The following CTLA4 variants were observed in gnomAD, a reference collection of about 807,000 sequenced individuals.
CTLA4 encodes the protein cytotoxic T-lymphocyte associated protein 4, also known as cytotoxic T-lymphocyte protein 4.
A neutral mutation model predicts 20.4 loss-of-function variants in CTLA4; 3 were observed. The ratio of observed to expected loss-of-function variants is 0.15; its 90% CI spans 0.07 to 0.38. The LOEUF (loss-of-function observed/expected upper bound fraction) is 0.38. CTLA4 is among the 10% of genes least tolerant of loss of function. The pLI is 1.00. For missense variants in CTLA4, 184 were observed against 276.8 expected, an observed-to-expected ratio of 0.66 and a Z score of 2.38; for synonymous variants, 100 against 105.2, an observed-to-expected ratio of 0.95 and a Z score of 0.30.
rs768744604 is a variant in CTLA4 at position 203,870,964 on chromosome 2, C to T, written c.457+31C>T. Reference sequence around the variant, plus strand: ...CAAAGCCATTTCACTGAGTTGACACCTGTTGCATTGCAGTCTTCTATGCAC... The same window carrying T: ...CAAAGCCATTTCACTGAGTTGACACTTGTTGCATTGCAGTCTTCTATGCAC... On this transcript the variant is annotated intron_variant, in intron 2 of 3. Coordinates refer to ENST00000648405, the MANE Select transcript of CTLA4 (RefSeq NM_005214.5). This position sits in a 1 kb window ranked among gnomAD's most constrained non-coding sequence, Gnocchi z 5.3. 1 of 1,553,110 alleles carries T rather than the reference C, an allele frequency of 6.4e-7. No homozygotes were observed.
intron 1 of CTLA4, among the ~76,000 whole-genome samples, chr2:203,868,291 A>G (rs1465303649): frequency 6.6e-6 from 1 of 152,194 alleles, no homozygotes; most frequent in Non-Finnish European, 1.5e-5. Context: ...TCATGAATGC[A>G]TGTGAGTTGG....
Position 203,870,622 on chromosome 2 carries a change from G to A in CTLA4, c.146G>A (p.Ser49Asn). The A allele has an allele frequency of 6.2e-7, 1 of 1,614,180 alleles. No individual in the cohort carries two copies. The change falls in exon 2 of 4, where the codon AGC (serine) becomes AAC (asparagine). Residue 49 changes from serine to asparagine, a missense_variant. Around this residue, in one of 3 missense-constraint regions of CTLA4, gnomAD observed 147 missense variants for 223.4 expected, o/e 0.66. Coordinates refer to ENST00000648405, the MANE Select transcript of CTLA4 (RefSeq NM_005214.5). The surrounding 1 kb of genome is among the most constrained non-coding windows in gnomAD (Gnocchi z 5.3). The part of the protein sequence containing the change: ...HVAQPAVVLA[S>N]SRGIASFVCE... ...GCCCAGCCTGCTGTGGTACTGGCCA[G>A]CAGCCGAGGCATCGCCAGCTTTGTG... is the stretch of plus-strand genomic sequence containing the variant.
chr2:203,872,865 A>G lies in CTLA4; in HGVS notation c.*53A>G, dbSNP rs1161605962. 1.7e-6 allele frequency: 2 copies of G among 1,187,138 alleles called. No homozygotes were observed. Among genetic ancestry groups the G allele is most frequent in the Admixed American group, 3.6e-5 (2 of 56,116 alleles). 73.5% of individuals were successfully genotyped at this position (1,187,138 alleles called of 1,614,324 possible). On this transcript the variant is annotated 3_prime_UTR_variant, in exon 4 of 4. Coordinates refer to ENST00000648405, the MANE Select transcript of CTLA4 (RefSeq NM_005214.5). ...ATTTCAATTTCCAAGAGCTGAGGCA[A>G]TTCTAACTTTTTTGCTATCCAGCTA...
intron 1 of CTLA4, among the ~76,000 whole-genome samples, chr2:203,868,953 TTTC>T (rs1285037064): frequency 6.6e-6 from 1 of 152,224 alleles, no homozygotes; most frequent in East Asian, 1.9e-4. Flanking sequence ...TCATATATGT[TTTC>T]TTATTTTTAC....
chr2:203,868,656 CA>C (rs149392730), intron 1 of CTLA4, among the ~76,000 whole-genome samples: 50 of 142,588 alleles, frequency 3.5e-4, no homozygotes, highest in Middle Eastern at 3.6e-3. Flanking sequence ...TTGAAATTGC[CA>C]AAAAAAAAAG....
intron 1 of CTLA4, 148 bp downstream of exon 1, chr2:203,868,199 G>A (rs1416053056): frequency 1.6e-6 from 1 of 642,936 alleles, no homozygotes; most frequent in Non-Finnish European, 2.7e-6. Flanking sequence ...CTGTATTCCA[G>A]GGCCAGCAGG....
chr2:203,873,089 A>G lies in CTLA4; in HGVS notation c.*277A>G, dbSNP rs988988806. The G allele has an allele frequency of 5.5e-6, 3 of 546,506 alleles. No homozygotes were observed. The African/African-American group carries it at 5.6e-5, about 10-fold the overall frequency. 33.9% of individuals were successfully genotyped at this position (546,506 alleles called of 1,614,324 possible). ...GGGATGCAGCATTATGATGTGGGTC[A>G]AGGAATTAAGTTAGGGAATGGCACA... On this transcript the variant is annotated 3_prime_UTR_variant, in exon 4 of 4. Transcript: ENST00000648405.
rs373750013 is a variant in CTLA4, at chr2:203,868,172, A to G, written c.109+121A>G. The G allele has an allele frequency of 1.4e-4, 109 of 764,356 alleles. 1 individual carries two copies. The highest frequency in any genetic ancestry group is 9.4e-4 in the East Asian group (35 of 37,356). 47.3% of individuals were successfully genotyped at this position (764,356 alleles called of 1,614,324 possible). On this transcript the variant is annotated intron_variant, in intron 1 of 3. Transcript: ENST00000648405. ...GCCAGAAGTTAAAGGTAAAACTCCA[A>G]TCTGGCTTGGCTGGCTCTGTATTCC...
chr2:203,869,914 C>T (rs746280108), intron 1 of CTLA4, among the ~76,000 whole-genome samples: 6 of 152,128 alleles, frequency 3.9e-5, no homozygotes, highest in Non-Finnish European at 7.4e-5. Flanking sequence ...GTTGCCTCAA[C>T]CTAGAGAGGA....
Position 203,870,987 on chromosome 2 carries a change from C to A in CTLA4, c.457+54C>A, listed in dbSNP as rs576571682. 5.7e-6 allele frequency: 8 copies of A among 1,392,610 alleles called. No individual in the cohort carries two copies. In the South Asian group the frequency reaches 1.0e-4, roughly 18 times the overall value. The allele number at this position is 1,392,610 out of a possible 1,614,324, so 86.3% of individuals were successfully genotyped here. On this transcript the variant is annotated intron_variant, in intron 2 of 3. Coordinates refer to ENST00000648405, the MANE Select transcript of CTLA4 (RefSeq NM_005214.5). This position sits in a 1 kb window ranked among gnomAD's most constrained non-coding sequence, Gnocchi z 5.3. ...ACCTGTTGCATTGCAGTCTTCTATG[C>A]ACAAAAACAGTTTTGTTCCTTAATT...
intron 1 of CTLA4, among the ~76,000 whole-genome samples, chr2:203,868,465 T>C (rs1688669496): frequency 6.6e-6 from 1 of 152,198 alleles, no homozygotes. Context: ...GGAAGAGTTT[T>C]TTTGCTATAC....
intron 3 of CTLA4, among the ~76,000 whole-genome samples, chr2:203,871,815 C>T (rs1032026292): frequency 1.4e-4 from 21 of 152,196 alleles, no homozygotes; most frequent in Non-Finnish European, 2.9e-4. Context: ...AGCCCTGAAA[C>T]ATGAGATTAG....
chr2:203,869,769 C>G (rs1036745968), intron 1 of CTLA4, among the ~76,000 whole-genome samples: 1 of 152,102 alleles, frequency 6.6e-6, no homozygotes, highest in Admixed American at 6.5e-5. Flanking sequence ...GCAAGCCTCT[C>G]TGTATGGAGA....
In CTLA4 at chr2:203,870,414, TGA is replaced by T; in HGVS notation, c.110-167_110-166del. The T allele has an allele frequency of 1.7e-6, 1 of 596,704 alleles. No homozygotes were observed. The highest frequency in any genetic ancestry group is 2.8e-6 in the Non-Finnish European group (1 of 351,232). The allele number at this position is 596,704 out of a possible 1,614,324, so 37.0% of individuals were successfully genotyped here. On this transcript the variant is annotated intron_variant, in intron 1 of 3. Transcript: ENST00000648405. This position sits in a 1 kb window ranked among gnomAD's most constrained non-coding sequence, Gnocchi z 5.3. ...TTATGGAGAGTAGCTGGAAAACAGT[TGA>T]GAGATGGAGGGGAGGCTGGGGGTGT...
At chr2:203,871,130 T>G (rs866810235) in intron 2 of CTLA4, among the ~76,000 whole-genome samples, 197 bp downstream of exon 2, 1 of 152,122 alleles carries the variant, frequency 6.6e-6, no homozygotes, top group African/African-American at 2.4e-5. Flanking sequence ...ATAAAATGAT[T>G]TGGGGAAGTT....
At chr2:203,871,729 A>G (rs923417413) in intron 3 of CTLA4, among the ~76,000 whole-genome samples, 1 of 152,186 alleles carries the variant, frequency 6.6e-6, no homozygotes, top group Non-Finnish European at 1.5e-5. Context: ...GCAGGGTTTC[A>G]ATTTGAGTAA....
chr2:203,872,363 A>G (rs556435155), intron 3 of CTLA4, among the ~76,000 whole-genome samples: 1 of 152,316 alleles, frequency 6.6e-6, no homozygotes, highest in South Asian at 2.1e-4. Flanking sequence ...GCTCTCAAAC[A>G]GGATAACTAA....
In CTLA4 at chr2:203,873,145, G is replaced by A; in HGVS notation, c.*333G>A. The A allele has an allele frequency of 6.1e-6, 3 of 490,204 alleles. No homozygotes were observed. The South Asian group carries it at 1.4e-4, about 23-fold the overall frequency. 30.4% of individuals were successfully genotyped at this position (490,204 alleles called of 1,614,324 possible). On this transcript the variant is annotated 3_prime_UTR_variant, in exon 4 of 4. Transcript: ENST00000648405. ...AAGAAGGAAAAGGCAGGGAGCGAGG[G>A]AGAAGACTATATTGTACACACCTTA...
intron 1 of CTLA4, among the ~76,000 whole-genome samples, chr2:203,869,928 G>A (rs1160658669): frequency 1.3e-5 from 2 of 152,272 alleles, no homozygotes; most frequent in Non-Finnish European, 1.5e-5. Context: ...GAGAGGAAGC[G>A]ACCTGGTGCC....
Sources: gnomAD v4.1 joint callset for allele counts (sites outside exome capture counted in the v4.1 genomes callset) on GRCh38, gnomAD v4.1.1 for gene constraint, gnomAD v4.1.1 regional missense constraint, Gnocchi (gnomAD v3.1) non-coding constraint, MANE v1.5 for transcripts, NCBI Gene and HGNC (gene_info 2026-07-23, HGNC 2026-07-21) for gene names.